DNAJC17: variants seen among roughly 807,000 people sequenced by gnomAD.
DNAJC17 encodes the protein dnaJ homolog subfamily C member 17.
DNAJC17 carries 35 observed loss-of-function variants against 48.1 expected under a neutral mutation model. The observed-to-expected ratio is 0.73, with a 90% CI of 0.56 to 0.96. DNAJC17 has a LOEUF of 0.96. Among genes scored for constraint, DNAJC17 ranks in the 50% least tolerant of loss-of-function variants. The probability of loss-of-function intolerance (pLI) is 0.00; values close to 1 mark genes in which losing one functional copy is unlikely to be tolerated. For missense variants in DNAJC17, 355 were observed against 377.1 expected (o/e 0.94, Z 0.48); for synonymous variants, 117 against 142.7 (o/e 0.82, Z 1.28).
chr15:40,784,538 A>T (rs1889591458), intron 1 of DNAJC17, among the ~76,000 whole-genome samples: 1 of 152,210 alleles, frequency 6.6e-6, no homozygotes, highest in South Asian at 2.1e-4. Context: ...ACAAATGAGG[A>T]AACTGTGACA....
chr15:40,781,569 T>A (rs1031880301), intron 1 of DNAJC17, among the ~76,000 whole-genome samples: 13 of 152,220 alleles, frequency 8.5e-5, no homozygotes, highest in African/African-American at 2.6e-4. Context: ...AAATTTTTTT[T>A]AAATAAAATA....
In DNAJC17 at chr15:40,770,837, C is replaced by G; in HGVS notation, c.793-2775G>C. On this transcript the variant is annotated intron_variant, in intron 10 of 10. Transcript: ENST00000220496. This position sits in a 1 kb window ranked among gnomAD's most constrained non-coding sequence, Gnocchi z 5.0. ...ACTCTGCCACCCTGCCATCGGCGCT[C>G]TCTCTGTCGAGTGCCCTCCACCAGC... is the stretch of plus-strand genomic sequence containing the variant. 8 of 1,551,456 alleles carry G rather than the reference C, an allele frequency of 5.2e-6. No individual in the cohort carries two copies. The highest frequency in any genetic ancestry group is 7.0e-6 in the Non-Finnish European group (8 of 1,146,982).
rs774509490 is a variant in DNAJC17 at position 40,768,052 on chromosome 15, A to G, written c.803T>C (p.Leu268Pro). 3 of 1,571,362 alleles carry G rather than the reference A, an allele frequency of 1.9e-6. No homozygotes were observed. The highest frequency in any genetic ancestry group is 1.9e-5 in the Admixed American group (1 of 52,392). Residue 268 changes from leucine to proline, a missense_variant, in exon 11 of 11, where the codon CTG becomes CCG. By Grantham distance (98) the Leu-to-Pro change is moderately conservative. This residue lies in a region of DNAJC17 where 88 missense variants were observed against 67.7 expected (regional missense o/e 1.30). Transcript: ENST00000220496. ...SHSGLSKGSV[L>P]SERDYESLVM... ...GAGGCTCTCGTAGTCCCTCTCTGAC[A>G]GCACTGAGCCCTGTCGGACAGGGCA...
At chr15:40,796,578 T>C (rs1411080442) in intron 1 of DNAJC17, among the ~76,000 whole-genome samples, 1 of 152,170 alleles carries the variant, frequency 6.6e-6, no homozygotes, top group African/African-American at 2.4e-5. Context: ...AGGATGGTTA[T>C]TATCCAAAGA....
At chr15:40,805,375 C>CAAAA (rs559577744) in intron 1 of DNAJC17, among the ~76,000 whole-genome samples, 1 of 107,890 alleles carries the variant, frequency 9.3e-6, no homozygotes, top group African/African-American at 4.2e-5. Context: ...TACTCTGTCT[C>CAAAA]AAAAAAAAAA....
chr15:40,767,853 T>G lies in DNAJC17; in HGVS notation c.*87A>C. On this transcript the variant is annotated 3_prime_UTR_variant, in exon 11 of 11. Coordinates refer to ENST00000220496, the MANE Select transcript of DNAJC17 (RefSeq NM_018163.3). ...GAGCCCAGCACCTTATACCTATGTA[T>G]GGGATAGAGGTAAAATCTTAAAAAA... is the stretch of plus-strand genomic sequence containing the variant. The G allele has an allele frequency of 6.4e-7, 1 of 1,554,598 alleles. No individual in the cohort carries two copies. Among genetic ancestry groups the G allele is most frequent in the Non-Finnish European group, 8.7e-7 (1 of 1,154,252 alleles).
At chr15:40,768,595 G>A (rs1354019689) in intron 10 of DNAJC17, among the ~76,000 whole-genome samples, 2 of 152,134 alleles carry the variant, frequency 1.3e-5, no homozygotes, top group East Asian at 1.9e-4. Context: ...CCCCACCCTC[G>A]AAGGGGAAAA....
chr15:40,779,383 C>T lies in DNAJC17; in HGVS notation c.208-73G>A. On this transcript the variant is annotated intron_variant, in intron 3 of 10. Transcript: ENST00000220496. ...GACAGAGCCCCGGCAATCTGCCTGG[C>T]CCCTAGCCCACGAGCCATCAGAGTG... 6.3e-6 allele frequency: 10 copies of T among 1,577,004 alleles called. No individual in the cohort carries two copies. In the South Asian group the frequency reaches 8.9e-5, roughly 14 times the overall value.
chr15:40,779,510 T>C (rs1246357944), intron 3 of DNAJC17, 35 bp downstream of exon 3: 7 of 1,613,510 alleles, frequency 4.3e-6, no homozygotes, highest in South Asian at 2.2e-5. Flanking sequence ...TCTCTAACCA[T>C]GGGGGACGAT....
intron 1 of DNAJC17, among the ~76,000 whole-genome samples, chr15:40,780,906 G>T (rs1889468541): frequency 6.6e-6 from 1 of 152,090 alleles, no homozygotes; most frequent in Non-Finnish European, 1.5e-5. Flanking sequence ...CAGCACTTTG[G>T]GAGGCTGAGG....
chr15:40,770,447 T>C lies in DNAJC17; in HGVS notation c.793-2385A>G. On this transcript the variant is annotated intron_variant, in intron 10 of 10. Transcript: ENST00000220496. This position sits in a 1 kb window ranked among gnomAD's most constrained non-coding sequence, Gnocchi z 5.0. ...ACTCACTGCCCCAGCAGGGACCACA[T>C]GCACCCTGGCTGCTCCTGAACACCT... The C allele has an allele frequency of 6.6e-7, 1 of 1,506,300 alleles. No homozygotes were observed. Among genetic ancestry groups the C allele is most frequent in the East Asian group, 2.5e-5 (1 of 40,714 alleles). 93.3% of individuals were successfully genotyped at this position (1,506,300 alleles called of 1,614,324 possible).
chr15:40,778,502 C>T lies in DNAJC17; in HGVS notation c.295+721G>A, dbSNP rs567338661. Among the ~76,000 whole-genome samples, 352 of 152,244 alleles carry T rather than the reference C, an allele frequency of 2.3e-3. 2 individuals are homozygous for T. The highest frequency in any genetic ancestry group is 8.1e-3 in the African/African-American group (337 of 41,538). On this transcript the variant is annotated intron_variant, in intron 4 of 10. Coordinates refer to ENST00000220496, the MANE Select transcript of DNAJC17 (RefSeq NM_018163.3). ...TCCTGACGTCGTGATCCACCCGCCT[C>T]GGCCTCCCAAAGTGCTGGGATTACA...
At chr15:40,775,364 C>A (rs1469101682) in intron 7 of DNAJC17, 189 bp downstream of exon 7, 7 of 773,590 alleles carry the variant, frequency 9.0e-6, no homozygotes, top group Non-Finnish European at 1.5e-5. Context: ...GTGATCAGGG[C>A]TAAAAGCAGC....
intron 7 of DNAJC17, 164 bp downstream of exon 7, chr15:40,775,389 T>A (rs1222112113): frequency 4.7e-6 from 4 of 852,918 alleles, no homozygotes; most frequent in Non-Finnish European, 7.6e-6. Context: ...CGTGGCAAGC[T>A]CTGATCTCCG....
At chr15:40,779,090 G>T (rs1291246260) in intron 4 of DNAJC17, 133 bp downstream of exon 4, 1 of 834,976 alleles carries the variant, frequency 1.2e-6, no homozygotes, top group Non-Finnish European at 2.0e-6. Context: ...CAACCTCTAA[G>T]AACAGCGTTT....
rs749795660 is a variant in DNAJC17, at chr15:40,770,800, A to G, written c.793-2738T>C. The G allele has an allele frequency of 9.7e-6, 15 of 1,549,468 alleles. No homozygotes were observed. Among genetic ancestry groups the G allele is most frequent in the Non-Finnish European group, 1.3e-5 (15 of 1,146,898 alleles). On this transcript the variant is annotated intron_variant, in intron 10 of 10. Coordinates refer to ENST00000220496, the MANE Select transcript of DNAJC17 (RefSeq NM_018163.3). This position sits in a 1 kb window ranked among gnomAD's most constrained non-coding sequence, Gnocchi z 5.0. ...AACATCCTGGAGCCCCCACCTGCCT[A>G]CACAGCAGCCTACTCTGCCACCCTG...
At chr15:40,788,488 AG>A in intron 1 of DNAJC17, among the ~76,000 whole-genome samples, 1 of 152,266 alleles carries the variant, frequency 6.6e-6, no homozygotes, top group South Asian at 2.1e-4. Context: ...TGAGGTCAGG[AG>A]ATCGAGACCA....
At chr15:40,799,276 G>C (rs1267249070) in intron 1 of DNAJC17, among the ~76,000 whole-genome samples, 1 of 147,906 alleles carries the variant, frequency 6.8e-6, no homozygotes, top group Non-Finnish European at 1.5e-5. Flanking sequence ...TCAGGCTCTA[G>C]CAGACTGATC....
intron 1 of DNAJC17, among the ~76,000 whole-genome samples, chr15:40,797,356 C>CGA (rs1889963260): frequency 6.6e-6 from 1 of 151,812 alleles, no homozygotes; most frequent in African/African-American, 2.4e-5. Context: ...GGCAATAGAG[C>CGA]GAGACCCTGT....
Sources: gnomAD v4.1 joint callset for allele counts (sites outside exome capture counted in the v4.1 genomes callset) on GRCh38, gnomAD v4.1.1 for gene constraint, gnomAD v4.1.1 regional missense constraint, Gnocchi (gnomAD v3.1) non-coding constraint, MANE v1.5 for transcripts, NCBI Gene and HGNC (gene_info 2026-07-23, HGNC 2026-07-21) for gene names.